The following EDARADD variants were observed in gnomAD, a reference collection of about 807,000 sequenced individuals.
EDARADD encodes the protein EDAR associated via death domain.
Under a neutral mutation model 25.6 loss-of-function variants are expected in EDARADD, and 20 were observed. The ratio of observed to expected loss-of-function variants is 0.78; its 90% CI spans 0.55 to 1.14. The LOEUF is 1.14. Among genes scored for constraint, EDARADD ranks in the 50% most tolerant of loss-of-function variants. The pLI is 0.00. For synonymous variants in EDARADD, 86 were observed against 94.4 expected, an observed-to-expected ratio of 0.91 and a Z score of 0.52; for missense variants, 225 against 270.1, an observed-to-expected ratio of 0.83 and a Z score of 1.17.
intron 4 of EDARADD, among the ~76,000 whole-genome samples, chr1:236,446,394 A>T (rs1658538951): frequency 6.6e-6 from 1 of 152,106 alleles, no homozygotes; most frequent in Non-Finnish European, 1.5e-5. Flanking sequence ...TACTAAAAAT[A>T]AAAAAAATTT....
In EDARADD at chr1:236,395,630, A is replaced by C. The variant is rs1317789259; in HGVS notation, c.61+1125A>C. On this transcript the variant is annotated intron_variant, in intron 1 of 5. Transcript: ENST00000334232. This position sits in a 1 kb window ranked among gnomAD's most constrained non-coding sequence, Gnocchi z 6.9. ...GCTCGTTTGCCCCTAACCCGCCGCC[A>C]TGGCTTCACCGGACGACCCTCTGCG... The C allele has an allele frequency of 6.4e-7, 1 of 1,573,288 alleles. No individual in the cohort carries two copies. The highest frequency in any genetic ancestry group is 1.4e-5 in the African/African-American group (1 of 73,978).
chr1:236,461,687 G>C (rs1393584110), intron 4 of EDARADD, among the ~76,000 whole-genome samples: 1 of 152,182 alleles, frequency 6.6e-6, no homozygotes, highest in African/African-American at 2.4e-5. Context: ...AATTTAGTTT[G>C]CCACACCAGA....
chr1:236,388,743 A>C (rs1667386577), intron 3 of EDARADD, among the ~76,000 whole-genome samples: 1 of 152,188 alleles, frequency 6.6e-6, no homozygotes, highest in Admixed American at 6.5e-5. Context: ...TTCACTTATT[A>C]GTTCTAATAG....
At chr1:236,357,544 G>A (rs1038415400) in intron 3 of EDARADD, among the ~76,000 whole-genome samples, 11 of 152,070 alleles carry the variant, frequency 7.2e-5, no homozygotes, top group Non-Finnish European at 1.5e-4. Flanking sequence ...CTTTACAAGC[G>A]TGGCACCAGC....
At chr1:236,377,728 CAT>C in intron 3 of EDARADD, among the ~76,000 whole-genome samples, 3 of 151,568 alleles carry the variant, frequency 2.0e-5, no homozygotes, top group Non-Finnish European at 1.5e-5. Context: ...CATGGTGGCG[CAT>C]GTCTGTAGTC....
At chr1:236,441,604 A>G (rs1162116277) in intron 4 of EDARADD, among the ~76,000 whole-genome samples, 3 of 150,860 alleles carry the variant, frequency 2.0e-5, no homozygotes, top group African/African-American at 2.4e-5. Context: ...GCTCACTGCA[A>G]CCTCCACCTC....
chr1:236,362,739 A>C (rs1667064101), intron 3 of EDARADD, among the ~76,000 whole-genome samples: 1 of 151,890 alleles, frequency 6.6e-6, no homozygotes, highest in South Asian at 2.1e-4. Flanking sequence ...AAGTATTCAA[A>C]TTCTTTTTTT....
At chr1:236,393,391 C>CTTTCTTT (rs1553264552), upstream of EDARADD, among the ~76,000 whole-genome samples, 139 of 87,208 alleles carry the variant, frequency 1.6e-3, no homozygotes, top group African/African-American at 6.8e-3. Context: ...TTCTTTCTTT[C>CTTTCTTT]TTTTTTTTTT....
chr1:236,405,825 CCTT>C (rs1558112653), intron 1 of EDARADD, among the ~76,000 whole-genome samples: 104 of 26,242 alleles, frequency 4.0e-3, no homozygotes, highest in African/African-American at 0.016. Flanking sequence ...TCCTTCCTTT[CCTT>C]CCTTCCTTCC....
intron 4 of EDARADD, among the ~76,000 whole-genome samples, chr1:236,455,451 T>C (rs192210637): frequency 6.6e-6 from 1 of 152,312 alleles, no homozygotes; most frequent in East Asian, 1.9e-4. Context: ...ACAAGATCTG[T>C]TTAATAGACT....
chr1:236,482,206 G>A, intron 5 of EDARADD, 61 bp from the exon 6 acceptor site: 1 of 1,593,128 alleles, frequency 6.3e-7, no homozygotes, highest in Admixed American at 1.7e-5. Context: ...AAGGATGTAA[G>A]AAATGAATGC....
chr1:236,458,115 C>T (rs146063253), intron 4 of EDARADD, among the ~76,000 whole-genome samples: 149 of 152,298 alleles, frequency 9.8e-4, no homozygotes, highest in South Asian at 9.5e-3. Flanking sequence ...TAAATTGATA[C>T]AACTTTATGG....
At chr1:236,449,870 G>A (rs1658662132) in intron 4 of EDARADD, among the ~76,000 whole-genome samples, 1 of 152,206 alleles carries the variant, frequency 6.6e-6, no homozygotes, top group Non-Finnish European at 1.5e-5. Flanking sequence ...GGACGCCAAG[G>A]CAGGTGGATT....
intron 3 of EDARADD, among the ~76,000 whole-genome samples, chr1:236,356,257 G>A (rs1666974218): frequency 6.6e-6 from 1 of 152,166 alleles, no homozygotes; most frequent in African/African-American, 2.4e-5. Context: ...TGAAGGTTAT[G>A]GAGCAGGGGA....
At chr1:236,386,373 CAT>C (rs1331117648) in intron 3 of EDARADD, among the ~76,000 whole-genome samples, 1 of 31,680 alleles carries the variant, frequency 3.2e-5, no homozygotes, top group Non-Finnish European at 7.1e-5. Context: ...CCTGGCCGCC[CAT>C]TGTCTGGGAT....
chr1:236,410,578 C>G (rs1178794237), intron 2 of EDARADD, among the ~76,000 whole-genome samples: 4 of 152,140 alleles, frequency 2.6e-5, no homozygotes, highest in Non-Finnish European at 1.5e-5. Flanking sequence ...GCCCTGTGCT[C>G]CTGCCCAGCA....
intron 3 of EDARADD, among the ~76,000 whole-genome samples, chr1:236,366,952 C>G (rs1265253058): frequency 6.6e-6 from 1 of 151,702 alleles, no homozygotes; most frequent in Non-Finnish European, 1.5e-5. Flanking sequence ...TGGCACGCAC[C>G]AGTAGTCCCA....
In EDARADD at chr1:236,483,561, C is replaced by G; in HGVS notation, c.*912C>G. On this transcript the variant is annotated 3_prime_UTR_variant, in exon 6 of 6. Transcript: ENST00000334232. ...TGAGAAGGGGGTTCCCCTGTACCAC[C>G]ACATCGCCGACTTGTCTGGCAACTC... The G allele has an allele frequency of 7.9e-7, 1 of 1,267,930 alleles. No homozygotes were observed. The highest frequency in any genetic ancestry group is 1.7e-5 in the Admixed American group (1 of 59,208). 78.5% of individuals were successfully genotyped at this position (1,267,930 alleles called of 1,614,324 possible). A position where few individuals can be genotyped will look rare whatever the true frequency, so the allele number is the denominator to read the frequency against.
chr1:236,464,752 A>G (rs1193022215), intron 4 of EDARADD, among the ~76,000 whole-genome samples: 3 of 151,782 alleles, frequency 2.0e-5, no homozygotes, highest in Admixed American at 6.6e-5. Context: ...AACTTTTGAC[A>G]CTGCTCCCCC....
Sources: gnomAD v4.1 joint callset for allele counts (sites outside exome capture counted in the v4.1 genomes callset) on GRCh38, gnomAD v4.1.1 for gene constraint, Gnocchi (gnomAD v3.1) non-coding constraint, MANE v1.5 for transcripts, NCBI Gene and HGNC (gene_info 2026-07-23, HGNC 2026-07-21) for gene names.